MARCHF4: variants seen among roughly 807,000 people sequenced by gnomAD.
MARCHF4 encodes the protein membrane associated ring-CH-type finger 4, also known as E3 ubiquitin-protein ligase MARCHF4.
Under a neutral mutation model 43.9 loss-of-function variants are expected in MARCHF4, and 14 were observed. The observed-to-expected ratio is 0.32, with a 90% confidence interval of 0.21 to 0.50. The LOEUF is 0.50. MARCHF4 is among the 20% of genes least tolerant of loss of function. MARCHF4 has a pLI of 0.98. For missense variants in MARCHF4, 468 were observed against 536.7 expected, an observed-to-expected ratio of 0.87 and a Z score of 1.27; for synonymous variants, 226 against 213.3, an observed-to-expected ratio of 1.06 and a Z score of -0.52.
chr2:216,308,238 A>G (rs1324145374), intron 1 of MARCHF4, among the ~76,000 whole-genome samples: 1 of 152,002 alleles, frequency 6.6e-6, no homozygotes, highest in Non-Finnish European at 1.5e-5. Context: ...CCTGTCTCTA[A>G]CTCTCAAAAA....
intron 3 of MARCHF4, among the ~76,000 whole-genome samples, chr2:216,274,129 G>A (rs1690985187): frequency 6.6e-6 from 1 of 152,176 alleles, no homozygotes; most frequent in Non-Finnish European, 1.5e-5. Context: ...TATGACTTCT[G>A]CGGGAACCCT....
intron 1 of MARCHF4, among the ~76,000 whole-genome samples, chr2:216,316,957 T>A (rs1055637647): frequency 2.0e-5 from 3 of 152,100 alleles, no homozygotes; most frequent in African/African-American, 7.2e-5. Flanking sequence ...CTGAGTAATC[T>A]AAGCATGACC....
intron 1 of MARCHF4, among the ~76,000 whole-genome samples, chr2:216,302,313 G>A (rs1691503442): frequency 6.6e-6 from 1 of 151,924 alleles, no homozygotes; most frequent in African/African-American, 2.4e-5. Flanking sequence ...CCGCCTCCTG[G>A]GTTCACTCCA....
At chr2:216,320,194 T>C (rs1691857172) in intron 1 of MARCHF4, among the ~76,000 whole-genome samples, 1 of 152,220 alleles carries the variant, frequency 6.6e-6, no homozygotes, top group Admixed American at 6.5e-5. Context: ...TGTTAAGGTA[T>C]TACTCCTTCC....
At chr2:216,294,351 T>A (rs980973495) in intron 1 of MARCHF4, among the ~76,000 whole-genome samples, 1 of 152,248 alleles carries the variant, frequency 6.6e-6, no homozygotes, top group Non-Finnish European at 1.5e-5. Flanking sequence ...CTTCAAAAAT[T>A]AATTTTCAGT....
Position 216,278,352 on chromosome 2 carries a change from T to TACAGGACTCCCA in MARCHF4, c.673-489_673-488insTGGGAGTCCTGT, listed in dbSNP as rs1405517616. 4.8e-4 allele frequency among the ~76,000 whole-genome samples: 73 copies of TACAGGACTCCCA among 152,324 alleles called. No homozygotes were observed. In the East Asian group the frequency reaches 0.013, roughly 27 times the overall value. On this transcript the variant is annotated intron_variant, in intron 2 of 3. Coordinates refer to ENST00000273067, the MANE Select transcript of MARCHF4 (RefSeq NM_020814.3). Reference sequence around the variant, plus strand: ...CATTCTCTTGCCTCAGCCTCCCAAGTAGCTGGGACTACAGGCACCCAACAC... The same window carrying TACAGGACTCCCA: ...CATTCTCTTGCCTCAGCCTCCCAAGTACAGGACTCCCAAGCTGGGACTACAGGCACCCAACAC...
rs1692152358 is a variant in MARCHF4 at position 216,336,039 on chromosome 2, G to T, written c.516+33706C>A. Among the ~76,000 whole-genome samples, 3 of 127,954 alleles carry T rather than the reference G, an allele frequency of 2.3e-5. No homozygotes were observed. The South Asian group carries it at 8.0e-4, about 34-fold the overall frequency. The allele number at this position is 127,954 out of a possible 152,430, so 83.9% of individuals were successfully genotyped here. On this transcript the variant is annotated intron_variant, in intron 1 of 3. Coordinates refer to ENST00000273067, the MANE Select transcript of MARCHF4 (RefSeq NM_020814.3). ...GCCGAGATTGCACCACTGCACTCTA[G>T]CCTGAGTGACAGAGTGAGACTCTGT...
chr2:216,332,422 A>G (rs1239518073), intron 1 of MARCHF4, among the ~76,000 whole-genome samples: 3 of 151,742 alleles, frequency 2.0e-5, no homozygotes, highest in African/African-American at 7.3e-5. Flanking sequence ...AGAAAAGAAA[A>G]AAGAAAAAAA....
intron 3 of MARCHF4, among the ~76,000 whole-genome samples, chr2:216,275,926 T>A (rs1023249161): frequency 1.3e-5 from 2 of 152,186 alleles, no homozygotes; most frequent in African/African-American, 4.8e-5. Context: ...CCTGCTCCGT[T>A]AGCCTGGGTC....
intron 1 of MARCHF4, among the ~76,000 whole-genome samples, chr2:216,354,902 T>TCTTTCTTTCTTTCTTTCTTC (rs1692461189): frequency 1.8e-5 from 1 of 55,678 alleles, no homozygotes; most frequent in Non-Finnish European, 3.3e-5. Flanking sequence ...TTTCTTTCTT[T>TCTTTCTTTCTTTCTTTCTTC]CTTTCTTTCT....
At chr2:216,311,145 A>C (rs1405600194) in intron 1 of MARCHF4, among the ~76,000 whole-genome samples, 1 of 152,206 alleles carries the variant, frequency 6.6e-6, no homozygotes, top group Non-Finnish European at 1.5e-5. Context: ...AATTCTGAAT[A>C]CTTATTAGAT....
intron 1 of MARCHF4, among the ~76,000 whole-genome samples, chr2:216,343,951 A>G (rs928866335): frequency 7.9e-5 from 12 of 152,188 alleles, no homozygotes; most frequent in Admixed American, 2.0e-4. Context: ...GAGATCTCAG[A>G]GTGGGACCTA....
At chr2:216,315,809 C>T (rs1851328) in intron 1 of MARCHF4, among the ~76,000 whole-genome samples, 60,691 of 151,950 alleles carry the variant, frequency 0.4, 12,992 homozygotes, top group Middle Eastern at 0.52. Context: ...TGTGCATTAC[C>T]GTTTATACTA....
intron 1 of MARCHF4, among the ~76,000 whole-genome samples, chr2:216,298,397 C>G (rs1342924336): frequency 6.6e-6 from 1 of 151,070 alleles, no homozygotes; most frequent in African/African-American, 2.4e-5. Flanking sequence ...TCCTGGGTAG[C>G]TGGGACTACA....
intron 1 of MARCHF4, among the ~76,000 whole-genome samples, chr2:216,350,881 C>T (rs1692396277): frequency 6.6e-6 from 1 of 152,286 alleles, no homozygotes; most frequent in East Asian, 1.9e-4. Flanking sequence ...CTATGCTTGG[C>T]ACATCACAGG....
chr2:216,354,387 A>G (rs1486170443), intron 1 of MARCHF4, among the ~76,000 whole-genome samples: 1 of 152,164 alleles, frequency 6.6e-6, no homozygotes, highest in Non-Finnish European at 1.5e-5. Context: ...CTCAACCACT[A>G]AAAGGCAAGT....
intron 1 of MARCHF4, among the ~76,000 whole-genome samples, chr2:216,286,103 C>G (rs1258384165): frequency 6.6e-6 from 1 of 152,212 alleles, no homozygotes; most frequent in East Asian, 1.9e-4. Flanking sequence ...GGAGCGTGAC[C>G]TGGCCTAATC....
chr2:216,286,288 C>A (rs918545558), intron 1 of MARCHF4, among the ~76,000 whole-genome samples: 1 of 152,144 alleles, frequency 6.6e-6, no homozygotes, highest in Non-Finnish European at 1.5e-5. Flanking sequence ...GCCTGTAATG[C>A]CACACTTTGG....
chr2:216,355,728 T>C (rs1048656498), intron 1 of MARCHF4, among the ~76,000 whole-genome samples: 2 of 152,216 alleles, frequency 1.3e-5, no homozygotes, highest in Non-Finnish European at 2.9e-5. Flanking sequence ...AATGTCTGCA[T>C]TGACTTTGCA....
Sources: allele counts gnomAD v4.1 joint callset (sites outside exome capture counted in the v4.1 genomes callset), GRCh38; gene constraint gnomAD v4.1.1; transcripts MANE v1.5; gene names NCBI Gene and HGNC (gene_info 2026-07-23, HGNC 2026-07-21).